The following EFCAB11 variants were observed in gnomAD, a reference collection of about 807,000 sequenced individuals.
The protein encoded by EFCAB11 is EF-hand calcium-binding domain-containing protein 11.
A neutral mutation model predicts 23.0 loss-of-function variants in EFCAB11; 14 were observed. That is an observed-to-expected ratio of 0.61 (90% CI 0.40 to 0.95). The LOEUF (loss-of-function observed/expected upper bound fraction) is 0.95, where lower values mean the gene tolerates loss of function less well. Among genes scored for constraint, EFCAB11 ranks in the 40% least tolerant of loss-of-function variants. The pLI, the probability that EFCAB11 is intolerant of heterozygous loss-of-function variation, is 0.00. For missense variants in EFCAB11, 198 were observed against 195.8 expected (o/e 1.01, Z -0.07); for synonymous variants, 65 against 66.6 (o/e 0.98, Z 0.11).
At chr14:89,817,968 T>C (rs919749005) in intron 5 of EFCAB11, among the ~76,000 whole-genome samples, 2 of 151,570 alleles carry the variant, frequency 1.3e-5, no homozygotes, top group African/African-American at 4.9e-5. Flanking sequence ...TACTCCAGCC[T>C]GGGTGACAGA....
At chr14:89,805,847 G>C (rs1248762564) in intron 5 of EFCAB11, among the ~76,000 whole-genome samples, 1 of 152,132 alleles carries the variant, frequency 6.6e-6, no homozygotes, top group Non-Finnish European at 1.5e-5. Context: ...GCAGTATTTG[G>C]AACTTGATGG....
chr14:89,928,275 A>G (rs1166760027), intron 5 of EFCAB11, among the ~76,000 whole-genome samples: 1 of 152,232 alleles, frequency 6.6e-6, no homozygotes, highest in Non-Finnish European at 1.5e-5. Flanking sequence ...GTTAAAGTAT[A>G]GAAATTTCTA....
intron 5 of EFCAB11, among the ~76,000 whole-genome samples, chr14:89,881,705 C>T (rs1888608172): frequency 6.6e-6 from 1 of 151,604 alleles, no homozygotes; most frequent in African/African-American, 2.4e-5. Context: ...ACCTTGGCCT[C>T]ACAAAGTGCT....
At chr14:89,882,186 C>T (rs183839336) in intron 5 of EFCAB11, among the ~76,000 whole-genome samples, 6 of 152,196 alleles carry the variant, frequency 3.9e-5, no homozygotes, top group East Asian at 1.9e-4. Context: ...GCCAGAGGGA[C>T]GAATAAAATA....
chr14:89,838,888 C>T (rs967044375), intron 5 of EFCAB11, among the ~76,000 whole-genome samples: 5 of 152,196 alleles, frequency 3.3e-5, no homozygotes, highest in Non-Finnish European at 7.4e-5. Context: ...CAGGGTATAG[C>T]TAAGGAAGCA....
At chr14:89,944,753 C>T (rs912704584) in intron 3 of EFCAB11, among the ~76,000 whole-genome samples, 1 of 151,690 alleles carries the variant, frequency 6.6e-6, no homozygotes, top group Non-Finnish European at 1.5e-5. Context: ...ATCAAGTTAG[C>T]GATTATATCA....
rs34931708 is a variant in EFCAB11 at position 89,910,598 on chromosome 14, AATACATACATACATAC to A, written c.410+20927_410+20942del. Among the ~76,000 whole-genome samples, 1,398 of 147,634 alleles carry A rather than the reference AATACATACATACATAC, an allele frequency of 9.5e-3. 10 individuals carry two copies. Among genetic ancestry groups the A allele is most frequent in the South Asian group, 0.026 (115 of 4,478 alleles). On this transcript the variant is annotated intron_variant, in intron 5 of 5. Transcript: ENST00000316738. ...GGCAACAGAATGAGAATCTGTCTCA[AATACATACATACATAC>A]ATACATACATACATACATACATACA...
chr14:89,898,727 G>C (rs896833450), intron 5 of EFCAB11, among the ~76,000 whole-genome samples: 1 of 148,976 alleles, frequency 6.7e-6, no homozygotes, highest in African/African-American at 2.5e-5. Flanking sequence ...GCTGGGGTGC[G>C]GTGGTACAAT....
chr14:89,903,704 T>G (rs1889406293), intron 5 of EFCAB11, among the ~76,000 whole-genome samples: 1 of 152,164 alleles, frequency 6.6e-6, no homozygotes. Context: ...CTACAAGAGA[T>G]AAAACAGAAC....
intron 5 of EFCAB11, among the ~76,000 whole-genome samples, chr14:89,919,510 G>C (rs1854330084): frequency 1.3e-5 from 2 of 152,182 alleles, no homozygotes; most frequent in South Asian, 4.1e-4. Flanking sequence ...ATGGCACTGG[G>C]AGAAAGGAGG....
intron 5 of EFCAB11, among the ~76,000 whole-genome samples, chr14:89,863,853 C>T (rs938506893): frequency 1.3e-5 from 2 of 152,078 alleles, no homozygotes; most frequent in African/African-American, 2.4e-5. Flanking sequence ...ACTAACTAGT[C>T]AAGTAAAAAC....
At chr14:89,887,640 T>C (rs1349863237) in intron 5 of EFCAB11, among the ~76,000 whole-genome samples, 2 of 152,200 alleles carry the variant, frequency 1.3e-5, no homozygotes, top group African/African-American at 2.4e-5. Flanking sequence ...AGGTATTTAC[T>C]GAAAGAAACC....
At chr14:89,917,834 G>A (rs933626349) in intron 5 of EFCAB11, among the ~76,000 whole-genome samples, 4 of 152,234 alleles carry the variant, frequency 2.6e-5, no homozygotes, top group African/African-American at 9.6e-5. Flanking sequence ...CTGTAAAATG[G>A]ATAGAAATGC....
At chr14:89,932,688 T>A in intron 3 of EFCAB11, 61 bp from the exon 4 acceptor site, 1 of 1,283,774 alleles carries the variant, frequency 7.8e-7, no homozygotes, top group South Asian at 1.2e-5. Flanking sequence ...AAGAAAAAAT[T>A]AAACAGAAAT....
At chr14:89,818,328 G>C (rs1372848104) in intron 5 of EFCAB11, among the ~76,000 whole-genome samples, 1 of 152,174 alleles carries the variant, frequency 6.6e-6, no homozygotes, top group East Asian at 1.9e-4. Context: ...ACCAGAGTTG[G>C]CAAGCCTCCA....
chr14:89,881,060 T>C (rs1888581914), intron 5 of EFCAB11, among the ~76,000 whole-genome samples: 1 of 152,188 alleles, frequency 6.6e-6, no homozygotes, highest in Admixed American at 6.5e-5. Context: ...GCAGGCACCC[T>C]GAAGTGACTA....
At chr14:89,860,353 A>G (rs1887884659) in intron 5 of EFCAB11, among the ~76,000 whole-genome samples, 1 of 151,652 alleles carries the variant, frequency 6.6e-6, no homozygotes, top group Admixed American at 6.6e-5. Flanking sequence ...GACAAGAGTG[A>G]AAACTCCATC....
chr14:89,919,672 T>C (rs1205450646), intron 5 of EFCAB11, among the ~76,000 whole-genome samples: 1 of 152,016 alleles, frequency 6.6e-6, no homozygotes, highest in Non-Finnish European at 1.5e-5. Context: ...AGGGTATTAG[T>C]ATTAGTACTT....
intron 5 of EFCAB11, among the ~76,000 whole-genome samples, chr14:89,869,301 C>G (rs891935293): frequency 6.6e-6 from 1 of 152,186 alleles, no homozygotes; most frequent in Admixed American, 6.5e-5. Flanking sequence ...TATTAACCAT[C>G]TTGGTATCAG....
Sources: allele counts gnomAD v4.1 joint callset (sites outside exome capture counted in the v4.1 genomes callset), GRCh38; gene constraint gnomAD v4.1.1; transcripts MANE v1.5; gene names NCBI Gene and HGNC (gene_info 2026-07-23, HGNC 2026-07-21).